Variants in PCMTD2 observed in about 807,000 individuals in gnomAD.
PCMTD2 encodes protein-L-isoaspartate (D-aspartate) O-methyltransferase domain containing 2, also known as protein-L-isoaspartate O-methyltransferase domain-containing protein 2.
In PCMTD2, 16 loss-of-function variants were observed where a neutral mutation model predicts 33.4. The observed-to-expected ratio is 0.48, with a 90% CI of 0.32 to 0.73. The LOEUF is 0.73. Ranked by LOEUF, PCMTD2 falls within the 30% of genes least tolerant of loss-of-function variation. The probability of loss-of-function intolerance (pLI) is 0.03; values close to 1 mark genes in which losing one functional copy is unlikely to be tolerated. For missense variants in PCMTD2, 374 were observed against 449.9 expected (o/e 0.83, Z 1.53); for synonymous variants, 161 against 160.8 (o/e 1.00, Z -0.01).
At chr20:64,267,136 G>C (rs1985692065) in intron 4 of PCMTD2, among the ~76,000 whole-genome samples, 1 of 152,226 alleles carries the variant, frequency 6.6e-6, no homozygotes, top group African/African-American at 2.4e-5. Context: ...TTTGTGACCT[G>C]TGTAGGCCAC....
At chr20:64,257,990 A>G (rs992248887) in intron 1 of PCMTD2, among the ~76,000 whole-genome samples, 1 of 152,258 alleles carries the variant, frequency 6.6e-6, no homozygotes, top group African/African-American at 2.4e-5. Context: ...TGAACTTTCA[A>G]ATTAAGGCAG....
chr20:64,274,618 T>TA lies in PCMTD2; in HGVS notation c.*1018_*1019insA, dbSNP rs569113060. ...GATCACATTAGTACTGATTCATAGA[T>TA]TCTATCTTTTATAATTCTGGAGAAA... On this transcript the variant is annotated 3_prime_UTR_variant, in exon 6 of 6. Coordinates refer to ENST00000308824, the MANE Select transcript of PCMTD2 (RefSeq NM_018257.3). The TA allele has an allele frequency of 1.4e-4, 21 of 152,376 alleles. No homozygotes were observed. In the East Asian group the frequency reaches 4.0e-3, roughly 29 times the overall value. The allele number at this position is 152,376 out of a possible 1,614,324, so 9.4% of individuals were successfully genotyped here.
At chr20:64,260,674 C>T (rs187336214) in intron 2 of PCMTD2, among the ~76,000 whole-genome samples, 19 of 149,514 alleles carry the variant, frequency 1.3e-4, no homozygotes, top group African/African-American at 4.4e-4. Flanking sequence ...AAAGTCCTTT[C>T]GGAGTACTTC....
At chr20:64,261,730 G>A (rs1390198529) in intron 2 of PCMTD2, among the ~76,000 whole-genome samples, 3 of 151,132 alleles carry the variant, frequency 2.0e-5, no homozygotes, top group Admixed American at 6.6e-5. Context: ...CTTTTTGACC[G>A]TAACTTCTCT....
rs1285713674 is a variant in PCMTD2 at position 64,275,881 on chromosome 20, T to C, written c.*2281T>C. ...AAGTTTCAAGTTTATAGATATTAAGTTTGTAATGTGAGCATCAAATGTGTA... is the reference window on the plus strand; with the variant it reads ...AAGTTTCAAGTTTATAGATATTAAGCTTGTAATGTGAGCATCAAATGTGTA... On this transcript the variant is annotated 3_prime_UTR_variant, in exon 6 of 6. Transcript: ENST00000308824. 6.6e-6 allele frequency: 1 copy of C among 152,198 alleles called. No individual in the cohort carries two copies. Among genetic ancestry groups the C allele is most frequent in the African/African-American group, 2.4e-5 (1 of 41,438 alleles). The allele number at this position is 152,198 out of a possible 1,614,324, so 9.4% of individuals were successfully genotyped here.
intron 3 of PCMTD2, among the ~76,000 whole-genome samples, chr20:64,264,742 T>C (rs1568734327): frequency 6.6e-6 from 1 of 152,248 alleles, no homozygotes; most frequent in Non-Finnish European, 1.5e-5. Flanking sequence ...GTTCATTTGC[T>C]CAATATTCAT....
intron 5 of PCMTD2, among the ~76,000 whole-genome samples, chr20:64,268,577 T>C (rs1043450135): frequency 6.6e-6 from 1 of 152,204 alleles, no homozygotes; most frequent in African/African-American, 2.4e-5. Context: ...CAAAACCTCC[T>C]AATGTTTTAA....
At chr20:64,272,221 T>C (rs749479064) in intron 5 of PCMTD2, 4 of 508,392 alleles carry the variant, frequency 7.9e-6, no homozygotes, top group Non-Finnish European at 1.5e-5. Context: ...TGCAGGCCTT[T>C]CTGACTTTGG....
At chr20:64,259,202 T>C (rs1423154375) in intron 1 of PCMTD2, among the ~76,000 whole-genome samples, 3 of 152,182 alleles carry the variant, frequency 2.0e-5, no homozygotes, top group Non-Finnish European at 4.4e-5. Flanking sequence ...AAGGTATTTG[T>C]CACAGTACGT....
At position 64,273,492 on chromosome 20, in the gene PCMTD2, G is replaced by A. The variant is rs144823949; in HGVS notation, c.978G>A (p.Pro326=). The change falls in exon 6 of 6, where the codon CCG becomes CCA. Residue 326 remains proline, a synonymous_variant. Transcript: ENST00000308824. ...EERREEEEKT[P]PETKPDPPVN... ...GGAGGGAAGAAGAAGAGAAGACCCC[G>A]CCGGAAACAAAGCCAGACCCCCCAG... is the stretch of plus-strand genomic sequence containing the variant. The A allele has an allele frequency of 2.0e-3, 3,159 of 1,609,534 alleles. 25 individuals carry two copies. The African/African-American group carries it at 0.024, about 12-fold the overall frequency.
intron 5 of PCMTD2, 43 bp from the exon 6 acceptor site, chr20:64,273,178 C>T (rs1385601654): frequency 6.4e-7 from 1 of 1,554,762 alleles, no homozygotes; most frequent in Non-Finnish European, 8.7e-7. Context: ...GTGGTGGTGT[C>T]ACTCCGATGC....
At chr20:64,264,676 A>G in intron 3 of PCMTD2, 145 bp downstream of exon 3, 1 of 609,130 alleles carries the variant, frequency 1.6e-6, no homozygotes. Context: ...TTTTCAGAAA[A>G]GATTCTGTGT....
At position 64,275,432 on chromosome 20, in the gene PCMTD2, T is replaced by A. The variant is rs1301563195; in HGVS notation, c.*1832T>A. ...TATAATTGTATATGGACTGCATTTT[T>A]AAAAAAACCGCATTTGCCTTTATGC... On this transcript the variant is annotated 3_prime_UTR_variant, in exon 6 of 6. Transcript: ENST00000308824. 2 of 152,196 alleles carry A rather than the reference T, an allele frequency of 1.3e-5. No homozygotes were observed. The highest frequency in any genetic ancestry group is 2.1e-4 in the South Asian group (1 of 4,834). The allele number at this position is 152,196 out of a possible 1,614,324, so 9.4% of individuals were successfully genotyped here.
intron 2 of PCMTD2, chr20:64,262,726 C>T (rs1320096673): frequency 6.6e-6 from 1 of 152,368 alleles, no homozygotes; most frequent in Admixed American, 6.6e-5. Flanking sequence ...GGGCTCCTCT[C>T]CCCTTTGCTC....
chr20:64,262,108 C>T (rs906381834), intron 2 of PCMTD2, among the ~76,000 whole-genome samples: 3 of 152,014 alleles, frequency 2.0e-5, no homozygotes, highest in Non-Finnish European at 4.4e-5. Flanking sequence ...TAAGAAAGTA[C>T]CTGGGTGTGG....
chr20:64,262,185 C>T (rs1985448231), intron 2 of PCMTD2, among the ~76,000 whole-genome samples: 3 of 151,578 alleles, frequency 2.0e-5, no homozygotes, highest in Admixed American at 2.0e-4. Context: ...ACCTGGGAGG[C>T]GAAGGTTACA....
rs767882883 is a variant in PCMTD2, at chr20:64,273,268, C to T, written c.754C>T (p.Arg252Trp). 4 of 1,613,980 alleles carry T rather than the reference C, an allele frequency of 2.5e-6. No homozygotes were observed. The highest frequency in any genetic ancestry group is 1.3e-5 in the African/African-American group (1 of 75,016). Reference sequence around the variant, plus strand: ...CCAGGACTTGGCTCGCATCGCCATCCGGGGCACCATTAAAAAGATTATTCA... The same window carrying T: ...CCAGGACTTGGCTCGCATCGCCATCTGGGGCACCATTAAAAAGATTATTCA... ...SLQDLARIAIRGTIKKIIHQE... is the reference protein window; with the variant it reads ...SLQDLARIAIWGTIKKIIHQE... Residue 252 changes from arginine to tryptophan, a missense_variant, in exon 6 of 6, where the codon CGG (arginine) becomes TGG (tryptophan). By Grantham distance (101) the Arg-to-Trp change is moderately radical (BLOSUM62 -3). Coordinates refer to ENST00000308824, the MANE Select transcript of PCMTD2 (RefSeq NM_018257.3).
intron 5 of PCMTD2, chr20:64,272,135 C>T: frequency 2.5e-6 from 1 of 392,378 alleles, no homozygotes; most frequent in South Asian, 1.8e-5. Flanking sequence ...GAAGGTGCTA[C>T]TTACTCACTA....
chr20:64,260,407 C>T (rs1399651983), intron 2 of PCMTD2, 135 bp downstream of exon 2: 7 of 648,156 alleles, frequency 1.1e-5, no homozygotes, highest in Non-Finnish European at 1.9e-5. Flanking sequence ...GACATTGACA[C>T]ATCACTGGGT....
Sources: gnomAD v4.1 joint callset for allele counts (sites outside exome capture counted in the v4.1 genomes callset) on GRCh38, gnomAD v4.1.1 for gene constraint, MANE v1.5 for transcripts, NCBI Gene and HGNC (gene_info 2026-07-23, HGNC 2026-07-21) for gene names.